DCC: variants seen among roughly 807,000 people sequenced by gnomAD.
DCC encodes the protein netrin receptor DCC.
Under a neutral mutation model 172.5 loss-of-function variants are expected in DCC, and 58 were observed. The ratio of observed to expected loss-of-function variants is 0.34; its 90% CI spans 0.27 to 0.42. The LOEUF is 0.42. Ranked by LOEUF, DCC falls within the 10% of genes least tolerant of loss-of-function variation. The pLI, the probability that DCC is intolerant of heterozygous loss-of-function variation, is 1.00. For missense variants in DCC, 1,740 were observed against 1,791.0 expected, an observed-to-expected ratio of 0.97 and a Z score of 0.51; for synonymous variants, 709 against 644.5, an observed-to-expected ratio of 1.10 and a Z score of -1.52.
At chr18:52,973,207 G>A (rs1167798947) in intron 5 of DCC, among the ~76,000 whole-genome samples, 1 of 152,086 alleles carries the variant, frequency 6.6e-6, no homozygotes. Flanking sequence ...GGAAGATGGG[G>A]TTATAGCAAT....
intron 3 of DCC, among the ~76,000 whole-genome samples, chr18:52,914,382 A>C (rs990884205): frequency 6.6e-6 from 1 of 152,146 alleles, no homozygotes. Flanking sequence ...GTATGTGTAC[A>C]TAGAGAAAGA....
At chr18:53,237,887 C>G (rs2056229596) in intron 12 of DCC, among the ~76,000 whole-genome samples, 2 of 152,124 alleles carry the variant, frequency 1.3e-5, no homozygotes, top group Admixed American at 6.6e-5. Flanking sequence ...AAATAAACAA[C>G]TAGATTATCA....
chr18:52,583,495 ATC>A (rs2033601583), intron 1 of DCC, among the ~76,000 whole-genome samples: 1 of 152,212 alleles, frequency 6.6e-6, no homozygotes, highest in South Asian at 2.1e-4. Context: ...AGAAGAATAT[ATC>A]TCTTTCTATT....
chr18:52,876,220 T>A, intron 2 of DCC, among the ~76,000 whole-genome samples: 1 of 152,188 alleles, frequency 6.6e-6, no homozygotes, highest in Admixed American at 6.5e-5. Context: ...TGGTGGCCAC[T>A]TTTCTGTTTT....
intron 5 of DCC, among the ~76,000 whole-genome samples, chr18:53,038,151 T>A (rs986569550): frequency 1.3e-5 from 2 of 151,946 alleles, no homozygotes; most frequent in Admixed American, 6.6e-5. Flanking sequence ...TTATAAGACA[T>A]TAAGCTAGGT....
intron 1 of DCC, among the ~76,000 whole-genome samples, chr18:52,491,991 T>G (rs2030526452): frequency 1.3e-5 from 2 of 151,944 alleles, no homozygotes; most frequent in South Asian, 4.1e-4. Context: ...CCTAATACCA[T>G]GTCCTGGGGA....
At chr18:52,671,991 C>G (rs1031402634) in intron 1 of DCC, among the ~76,000 whole-genome samples, 7 of 152,162 alleles carry the variant, frequency 4.6e-5, no homozygotes, top group East Asian at 1.9e-4. Context: ...TCGTGTCGAC[C>G]CTTGCAAATT....
At chr18:53,286,779 T>C (rs2056940555) in intron 12 of DCC, among the ~76,000 whole-genome samples, 1 of 152,176 alleles carries the variant, frequency 6.6e-6, no homozygotes. Context: ...GGATTTAGGT[T>C]CCCTCTGGAA....
intron 9 of DCC, among the ~76,000 whole-genome samples, chr18:53,199,942 A>G (rs2055510117): frequency 1.3e-5 from 2 of 152,236 alleles, no homozygotes; most frequent in Non-Finnish European, 2.9e-5. Flanking sequence ...GAGTTGAAGT[A>G]GAAAACAATT....
chr18:52,887,337 A>T (rs1943114), intron 2 of DCC, among the ~76,000 whole-genome samples: 1 of 151,908 alleles, frequency 6.6e-6, no homozygotes, highest in Non-Finnish European at 1.5e-5. Context: ...ATCAACATGT[A>T]TTTGCAGAAA....
chr18:52,555,328 T>G (rs2032887896), intron 1 of DCC, among the ~76,000 whole-genome samples: 2 of 152,286 alleles, frequency 1.3e-5, no homozygotes, highest in Admixed American at 6.6e-5. Flanking sequence ...TAGGGTCATG[T>G]GCTGTGGAGA....
intron 5 of DCC, among the ~76,000 whole-genome samples, chr18:53,040,666 G>T (rs907156736): frequency 2.6e-5 from 4 of 151,878 alleles, no homozygotes; most frequent in Non-Finnish European, 4.4e-5. Context: ...CTTTCCCCAA[G>T]AACTATTGAA....
At chr18:52,657,705 G>A (rs983144263) in intron 1 of DCC, among the ~76,000 whole-genome samples, 1 of 152,146 alleles carries the variant, frequency 6.6e-6, no homozygotes, top group Non-Finnish European at 1.5e-5. Context: ...GAGAGAGACT[G>A]CACCATAATT....
At chr18:53,217,294 CACACACAT>C (rs769463484) in intron 12 of DCC, among the ~76,000 whole-genome samples, 10,589 of 115,608 alleles carry the variant, frequency 0.092, 1,031 homozygotes, top group African/African-American at 0.33. Flanking sequence ...CACACACACA[CACACACAT>C]ATGTATATAC....
At position 53,459,698 on chromosome 18, in the gene DCC, A is replaced by G. The variant is rs2045527676; in HGVS notation, c.3619+240A>G. Among the ~76,000 whole-genome samples the G allele has an allele frequency of 2.0e-5, 3 of 152,164 alleles. No homozygotes were observed. The South Asian group carries it at 6.2e-4, about 32-fold the overall frequency. On this transcript the variant is annotated intron_variant, in intron 24 of 28. Coordinates refer to ENST00000442544, the MANE Select transcript of DCC (RefSeq NM_005215.4). ...AATTTTGATAATTCTTGAATTTTCTATGAGGTTGGAAGTAGGACAGTTGGG... is the reference window on the plus strand; with the variant it reads ...AATTTTGATAATTCTTGAATTTTCTGTGAGGTTGGAAGTAGGACAGTTGGG...
intron 2 of DCC, among the ~76,000 whole-genome samples, chr18:52,790,288 T>C (rs767955803): frequency 2.8e-4 from 42 of 152,178 alleles, no homozygotes; most frequent in Non-Finnish European, 5.9e-4. Context: ...CTAACATATG[T>C]TTTCTTTTGA....
intron 1 of DCC, among the ~76,000 whole-genome samples, chr18:52,391,290 T>C (rs1324550060): frequency 1.3e-5 from 2 of 152,092 alleles, no homozygotes; most frequent in African/African-American, 4.8e-5. Flanking sequence ...GACCCTCAAA[T>C]GTTGCTTCAC....
At chr18:53,510,630 A>G (rs2046239783) in intron 27 of DCC, among the ~76,000 whole-genome samples, 1 of 152,240 alleles carries the variant, frequency 6.6e-6, no homozygotes, top group Non-Finnish European at 1.5e-5. Flanking sequence ...GAAGCTCTAA[A>G]GCCAAGTACT....
At chr18:53,436,499 G>C (rs569037762) in intron 22 of DCC, among the ~76,000 whole-genome samples, 2 of 152,230 alleles carry the variant, frequency 1.3e-5, no homozygotes, top group African/African-American at 4.8e-5. Flanking sequence ...TAAATTAAGT[G>C]ATTATTTCTT....
Sources: gnomAD v4.1 joint callset for allele counts (sites outside exome capture counted in the v4.1 genomes callset) on GRCh38, gnomAD v4.1.1 for gene constraint, MANE v1.5 for transcripts, NCBI Gene and HGNC (gene_info 2026-07-23, HGNC 2026-07-21) for gene names.